Variants in BCKDHB observed in about 807,000 individuals in gnomAD.
The protein encoded by BCKDHB is branched chain keto acid dehydrogenase E1 subunit beta, also known as 2-oxoisovalerate dehydrogenase subunit beta, mitochondrial.
In BCKDHB, 41 loss-of-function variants were observed where a neutral mutation model predicts 48.5. The ratio of observed to expected loss-of-function variants is 0.85; its 90% CI spans 0.66 to 1.10. The LOEUF is 1.10. Ranked by LOEUF, BCKDHB falls within the 50% of genes least tolerant of loss-of-function variation. BCKDHB has a pLI of 0.00. For missense variants in BCKDHB, 496 were observed against 494.2 expected, an observed-to-expected ratio of 1.00 and a Z score of -0.03; for synonymous variants, 201 against 174.8, an observed-to-expected ratio of 1.15 and a Z score of -1.18.
chr6:80,135,364 T>C (rs1770833740), intron 3 of BCKDHB, among the ~76,000 whole-genome samples: 1 of 152,060 alleles, frequency 6.6e-6, no homozygotes, highest in Non-Finnish European at 1.5e-5. Context: ...AGGATTTATT[T>C]CCCCTATTGA....
At chr6:80,380,366 GA>G in the BCKDHB span, among the ~76,000 whole-genome samples, 1 of 151,962 alleles carries the variant, frequency 6.6e-6, no homozygotes, top group Non-Finnish European at 1.5e-5. Context: ...ATGATGCTGG[GA>G]AAACTGGCTA....
the BCKDHB span, among the ~76,000 whole-genome samples, chr6:80,425,780 A>T: frequency 6.6e-6 from 1 of 152,186 alleles, no homozygotes; most frequent in Non-Finnish European, 1.5e-5. Flanking sequence ...AAGGGGGATA[A>T]TGTTGTGAAA....
At chr6:80,186,982 T>C (rs1278157029) in intron 6 of BCKDHB, among the ~76,000 whole-genome samples, 1 of 152,224 alleles carries the variant, frequency 6.6e-6, no homozygotes, top group Non-Finnish European at 1.5e-5. Context: ...GAGTTTGCAG[T>C]GTCAAGCTAC....
chr6:80,213,659 TTTTTTTTTG>T (rs978351927), intron 8 of BCKDHB, among the ~76,000 whole-genome samples: 9 of 136,916 alleles, frequency 6.6e-5, no homozygotes, highest in African/African-American at 3.1e-4. Flanking sequence ...TTGGGAAGTG[TTTTTTTTTG>T]TTTTTTTTTT....
At chr6:80,402,816 G>A in the BCKDHB span, among the ~76,000 whole-genome samples, 2 of 151,342 alleles carry the variant, frequency 1.3e-5, no homozygotes, top group Non-Finnish European at 3.0e-5. Context: ...TTATTTTTTT[G>A]CATGCACATA....
chr6:80,380,578 A>G, the BCKDHB span, among the ~76,000 whole-genome samples: 1 of 152,082 alleles, frequency 6.6e-6, no homozygotes, highest in South Asian at 2.1e-4. Context: ...GCAAAAACAG[A>G]CAAACAGACT....
chr6:80,252,127 C>G (rs976438713), intron 8 of BCKDHB, among the ~76,000 whole-genome samples: 4 of 152,176 alleles, frequency 2.6e-5, no homozygotes, highest in African/African-American at 9.6e-5. Context: ...GAAGCTGTCT[C>G]AGACAGGTTA....
the BCKDHB span, among the ~76,000 whole-genome samples, chr6:80,418,348 A>T: frequency 6.6e-6 from 1 of 152,122 alleles, no homozygotes; most frequent in Non-Finnish European, 1.5e-5. Flanking sequence ...AGTTGTTTGG[A>T]GGTAAGAAGG....
the BCKDHB span, among the ~76,000 whole-genome samples, chr6:80,397,625 G>C: frequency 0.85 from 128,988 of 152,210 alleles, 58,199 homozygotes; most frequent in Non-Finnish European, 0.99. Flanking sequence ...GTTCACACCT[G>C]TAATACCAGC....
intron 9 of BCKDHB, among the ~76,000 whole-genome samples, chr6:80,335,228 T>TG (rs202171200): frequency 0.016 from 921 of 56,234 alleles, 10 homozygotes; most frequent in East Asian, 0.1. Flanking sequence ...AAGAATTTTG[T>TG]GGGAAAAAAA....
the BCKDHB span, among the ~76,000 whole-genome samples, chr6:80,445,409 C>T: frequency 6.6e-6 from 1 of 152,110 alleles, no homozygotes. Context: ...AAAAGACCCA[C>T]AAGGATTCAC....
At chr6:80,184,142 A>T (rs896086782) in intron 6 of BCKDHB, among the ~76,000 whole-genome samples, 9 of 152,274 alleles carry the variant, frequency 5.9e-5, no homozygotes, top group African/African-American at 1.9e-4. Context: ...TGTTAGATGC[A>T]TATTATTTAG....
intron 6 of BCKDHB, among the ~76,000 whole-genome samples, chr6:80,197,934 T>TCATC (rs10651030): frequency 0.18 from 27,181 of 148,858 alleles, 2,786 homozygotes; most frequent in African/African-American, 0.28. Context: ...ATCCATCTGT[T>TCATC]CATCCATCCA....
chr6:80,405,212 G>A, the BCKDHB span, among the ~76,000 whole-genome samples: 5,624 of 151,938 alleles, frequency 0.037, 170 homozygotes, highest in Middle Eastern at 0.068. Context: ...ACATATCTAG[G>A]TACTCCAATA....
At chr6:80,115,641 CTTT>C (rs760255958) in intron 1 of BCKDHB, among the ~76,000 whole-genome samples, 1 of 142,928 alleles carries the variant, frequency 7.0e-6, no homozygotes. Flanking sequence ...GCTGGGGTTT[CTTT>C]TTTTTTTTTT....
Position 80,203,143 on chromosome 6 carries a change from G to A in BCKDHB, c.882G>A (p.Lys294=), listed in dbSNP as rs1354419202. 1 of 1,612,974 alleles carries A rather than the reference G, an allele frequency of 6.2e-7. No individual in the cohort carries two copies. Among genetic ancestry groups the A allele is most frequent in the East Asian group, 2.2e-5 (1 of 44,842 alleles). ...IREVASMAKE[K]LGVSCEVIDL... is the part of the protein sequence containing the mutation. Reference sequence around the variant, plus strand: ...AGGTAGCTTCCATGGCAAAAGAAAAGCTTGGAGTGTCTTGTGAAGTCATTG... The same window carrying A: ...AGGTAGCTTCCATGGCAAAAGAAAAACTTGGAGTGTCTTGTGAAGTCATTG... Residue 294 remains lysine, a synonymous_variant, in exon 8 of 10, where the codon AAG becomes AAA. Transcript: ENST00000320393.
intron 9 of BCKDHB, among the ~76,000 whole-genome samples, chr6:80,340,181 T>A (rs1769814751): frequency 6.6e-6 from 1 of 152,226 alleles, no homozygotes; most frequent in Non-Finnish European, 1.5e-5. Context: ...TTTCACAGCG[T>A]CTTTTGGAAG....
At chr6:80,171,464 C>CTT in intron 6 of BCKDHB, 74 bp downstream of exon 6, 1 of 849,640 alleles carries the variant, frequency 1.2e-6, no homozygotes, top group African/African-American at 1.8e-5. Context: ...AAAGTTATAT[C>CTT]TTTTTTTTCT....
At chr6:80,166,343 G>A (rs1215758990) in intron 3 of BCKDHB, among the ~76,000 whole-genome samples, 2 of 151,978 alleles carry the variant, frequency 1.3e-5, no homozygotes, top group South Asian at 2.1e-4. Flanking sequence ...TGAGCTGTGA[G>A]TTACTTAGCT....
Sources: allele counts gnomAD v4.1 joint callset (sites outside exome capture counted in the v4.1 genomes callset), GRCh38; gene constraint gnomAD v4.1.1; transcripts MANE v1.5; gene names NCBI Gene and HGNC (gene_info 2026-07-23, HGNC 2026-07-21).